Variants in AMPH observed in about 807,000 individuals in gnomAD.
AMPH encodes the protein amphiphysin.
A neutral mutation model predicts 99.1 loss-of-function variants in AMPH; 49 were observed. That is an observed-to-expected ratio of 0.49 (90% CI 0.39 to 0.63). The LOEUF is 0.63. Ranked by LOEUF, AMPH falls within the 20% of genes least tolerant of loss-of-function variation. The probability of loss-of-function intolerance (pLI) is 0.00; values close to 1 mark genes in which losing one functional copy is unlikely to be tolerated. For missense variants in AMPH, 759 were observed against 863.4 expected (o/e 0.88, Z 1.52); for synonymous variants, 314 against 317.3 (o/e 0.99, Z 0.11).
chr7:38,591,825 TA>T (rs1367099193), intron 1 of AMPH, among the ~76,000 whole-genome samples: 4 of 152,220 alleles, frequency 2.6e-5, no homozygotes, highest in Non-Finnish European at 5.9e-5. Flanking sequence ...GAGGTCTGTG[TA>T]AAGCCATTCA....
At chr7:38,527,253 G>C (rs541413303) in intron 2 of AMPH, among the ~76,000 whole-genome samples, 1 of 152,124 alleles carries the variant, frequency 6.6e-6, no homozygotes, top group Non-Finnish European at 1.5e-5. Context: ...GCATTTCCAT[G>C]TAAATTTTAG....
At chr7:38,475,087 T>C (rs775849095) in intron 7 of AMPH, among the ~76,000 whole-genome samples, 1 of 152,190 alleles carries the variant, frequency 6.6e-6, no homozygotes, top group Non-Finnish European at 1.5e-5. Flanking sequence ...TATTTAAATA[T>C]AAATAAATTA....
intron 19 of AMPH, 101 bp from the exon 20 acceptor site, chr7:38,390,006 T>C (rs1470424765): frequency 3.2e-6 from 3 of 941,384 alleles, no homozygotes; most frequent in Non-Finnish European, 1.7e-6. Flanking sequence ...AGGAAGATAT[T>C]TGCCATATCC....
chr7:38,397,829 A>G (rs1256451875), intron 17 of AMPH, among the ~76,000 whole-genome samples: 4 of 152,188 alleles, frequency 2.6e-5, no homozygotes, highest in Non-Finnish European at 5.9e-5. Context: ...TAATAATTCC[A>G]ATTAAAAAAT....
At chr7:38,430,358 A>G in intron 13 of AMPH, among the ~76,000 whole-genome samples, 1 of 152,200 alleles carries the variant, frequency 6.6e-6, no homozygotes, top group East Asian at 1.9e-4. Context: ...CTGCCTGCAG[A>G]GTTCTCTTGA....
chr7:38,413,163 G>A (rs182163934), intron 17 of AMPH, among the ~76,000 whole-genome samples: 164 of 152,194 alleles, frequency 1.1e-3, no homozygotes, highest in Middle Eastern at 6.8e-3. Context: ...ACCTCTGCAC[G>A]ACAGATGTTG....
At chr7:38,428,936 G>T in intron 14 of AMPH, 1 of 1,121,046 alleles carries the variant, frequency 8.9e-7, no homozygotes, top group Non-Finnish European at 1.2e-6. Flanking sequence ...AGGTCTTATG[G>T]TCTTCCTTTC....
intron 11 of AMPH, among the ~76,000 whole-genome samples, chr7:38,452,059 A>G (rs1426245772): frequency 6.6e-6 from 1 of 152,188 alleles, no homozygotes; most frequent in African/African-American, 2.4e-5. Flanking sequence ...TCTGTCTTCA[A>G]TCCCAGGACA....
intron 7 of AMPH, among the ~76,000 whole-genome samples, chr7:38,467,323 C>T (rs74657486): frequency 0.06 from 9,169 of 152,220 alleles, 298 homozygotes; most frequent in South Asian, 0.11. Context: ...CTAATTAAGG[C>T]AGCAGCTTGA....
intron 1 of AMPH, among the ~76,000 whole-genome samples, chr7:38,547,020 G>C (rs925077755): frequency 2.0e-5 from 3 of 152,272 alleles, no homozygotes; most frequent in African/African-American, 7.2e-5. Context: ...AAGGTGGGAG[G>C]AGGGAGAGCC....
chr7:38,479,094 C>T (rs902233879), intron 5 of AMPH, among the ~76,000 whole-genome samples: 5 of 151,764 alleles, frequency 3.3e-5, no homozygotes, highest in Non-Finnish European at 7.4e-5. Context: ...ATGAAGACAT[C>T]AAAGTATAGA....
intron 18 of AMPH, 65 bp from the exon 19 acceptor site, chr7:38,392,082 A>C: frequency 1.3e-6 from 2 of 1,542,122 alleles, no homozygotes. Flanking sequence ...CTTGTCCTGC[A>C]CAACCTGCCT....
intron 1 of AMPH, among the ~76,000 whole-genome samples, chr7:38,603,682 T>C (rs1239294515): frequency 3.9e-5 from 6 of 152,142 alleles, no homozygotes; most frequent in Non-Finnish European, 8.8e-5. Flanking sequence ...CAGTCTTCCA[T>C]GGAGGTTCTG....
At chr7:38,614,135 T>A (rs1471858686) in intron 1 of AMPH, among the ~76,000 whole-genome samples, 1 of 152,190 alleles carries the variant, frequency 6.6e-6, no homozygotes, top group South Asian at 2.1e-4. Context: ...GATGAGAGCT[T>A]AGCCACATGA....
intron 1 of AMPH, among the ~76,000 whole-genome samples, chr7:38,537,435 CA>C (rs989986658): frequency 6.6e-6 from 1 of 152,046 alleles, no homozygotes; most frequent in Non-Finnish European, 1.5e-5. Context: ...TGAACTTCAC[CA>C]ATGTATAAGC....
intron 1 of AMPH, among the ~76,000 whole-genome samples, chr7:38,620,360 G>GTC (rs1232098106): frequency 3.6e-4 from 44 of 122,486 alleles, no homozygotes; most frequent in African/African-American, 1.2e-3. Flanking sequence ...GTGTGTGTGT[G>GTC]TGTCTGTGTG....
intron 13 of AMPH, 41 bp downstream of exon 13, chr7:38,432,148 G>A (rs41279579): frequency 0.27 from 426,050 of 1,558,640 alleles, 62,352 homozygotes; most frequent in Non-Finnish European, 0.3. Context: ...AAATTTCTGG[G>A]GATCAAGATA....
chr7:38,437,639 A>AAACAAAAAAAAAAAAGAAAAG (rs1554336209), intron 11 of AMPH, among the ~76,000 whole-genome samples: 1 of 96,738 alleles, frequency 1.0e-5, no homozygotes, highest in Non-Finnish European at 1.9e-5. Flanking sequence ...AAAAAAAAAA[A>AAACAAAAAAAAAAAAGAAAAG]AAAAGAAAAG....
intron 14 of AMPH, 115 bp from the exon 15 acceptor site, chr7:38,427,101 T>A: frequency 1.1e-6 from 1 of 908,070 alleles, no homozygotes; most frequent in Non-Finnish European, 1.7e-6. Context: ...TTTAAAATAA[T>A]ACAAAAGGTT....
Sources: gnomAD v4.1 joint callset for allele counts (sites outside exome capture counted in the v4.1 genomes callset) on GRCh38, gnomAD v4.1.1 for gene constraint, MANE v1.5 for transcripts, NCBI Gene and HGNC (gene_info 2026-07-23, HGNC 2026-07-21) for gene names.